The following RFX7 variants were observed in gnomAD, a reference collection of about 807,000 sequenced individuals.
RFX7 encodes the protein regulatory factor X7, also known as DNA-binding protein RFX7.
In RFX7, 26 loss-of-function variants were observed where a neutral mutation model predicts 111.8. The ratio of observed to expected loss-of-function variants is 0.23; its 90% CI spans 0.17 to 0.32. The LOEUF (loss-of-function observed/expected upper bound fraction) is 0.32. RFX7 is among the 10% of genes least tolerant of loss of function. RFX7 has a pLI of 1.00. For missense variants in RFX7, 1,573 were observed against 1,772.9 expected (o/e 0.89, Z 2.02); for synonymous variants, 624 against 624.4 (o/e 1.00, Z 0.01).
chr15:56,153,212 A>T (rs2042599897), intron 3 of RFX7, among the ~76,000 whole-genome samples: 1 of 152,242 alleles, frequency 6.6e-6, no homozygotes, highest in African/African-American at 2.4e-5. Flanking sequence ...TCATTTTATG[A>T]GGCCAGCATC....
Position 56,087,729 on chromosome 15 carries a change from A to T in RFX7, c.*5616T>A. 1 of 349,574 alleles carries T rather than the reference A, an allele frequency of 2.9e-6. No individual in the cohort carries two copies. The highest frequency in any genetic ancestry group is 5.6e-6 in the Non-Finnish European group (1 of 177,272). The allele number at this position is 349,574 out of a possible 1,614,324, so 21.7% of individuals were successfully genotyped here. On this transcript the variant is annotated 3_prime_UTR_variant, in exon 10 of 10. Transcript: ENST00000559447. ...ATAGTGACCTCATTGCATCCTGCAA[A>T]GACATTCACTGTGTCTTTTTCATTA...
chr15:56,153,072 C>G (rs760941773), intron 3 of RFX7, among the ~76,000 whole-genome samples: 20 of 152,116 alleles, frequency 1.3e-4, no homozygotes, highest in Non-Finnish European at 2.6e-4. Context: ...TAATTAATAG[C>G]CTACCAACCA....
At chr15:56,148,415 C>T (rs1268020230) in intron 3 of RFX7, among the ~76,000 whole-genome samples, 4 of 152,152 alleles carry the variant, frequency 2.6e-5, no homozygotes, top group Admixed American at 2.6e-4. Context: ...ACATTCTGGA[C>T]AGAAAAGCCT....
chr15:56,142,676 T>C (rs896139055), intron 5 of RFX7, 102 bp downstream of exon 5: 42 of 1,029,156 alleles, frequency 4.1e-5, no homozygotes, highest in Admixed American at 1.5e-4. Context: ...AATTCCCATA[T>C]ACCAGCTTGA....
chr15:56,205,037 C>T (rs374856435), intron 2 of RFX7, among the ~76,000 whole-genome samples: 4 of 152,160 alleles, frequency 2.6e-5, no homozygotes, highest in East Asian at 1.9e-4. Context: ...GTATTTTCCC[C>T]TAAGAAAGAA....
At chr15:56,174,324 A>G (rs1419136160) in intron 3 of RFX7, among the ~76,000 whole-genome samples, 1 of 152,236 alleles carries the variant, frequency 6.6e-6, no homozygotes, top group African/African-American at 2.4e-5. Context: ...AAAAAATATA[A>G]GATCTAGAAG....
intron 2 of RFX7, among the ~76,000 whole-genome samples, chr15:56,229,707 A>G (rs2043528561): frequency 6.6e-6 from 1 of 152,184 alleles, no homozygotes; most frequent in East Asian, 1.9e-4. Context: ...TAAATTTCTA[A>G]CAAGTTCCCA....
rs139946723 is a variant in RFX7 at position 56,134,137 on chromosome 15, C to T, written c.401+8641G>A. Among the ~76,000 whole-genome samples the T allele has an allele frequency of 1.7e-3, 252 of 152,282 alleles. 2 individuals are homozygous for T. Among genetic ancestry groups the T allele is most frequent in the Middle Eastern group, 0.01 (3 of 294 alleles). ...TTACCTTCTTAACCTATTATGAACT[C>T]ACTCATGAAATCTGAGTTCTAGTCT... On this transcript the variant is annotated intron_variant, in intron 5 of 9. Coordinates refer to ENST00000559447, the MANE Select transcript of RFX7 (RefSeq NM_022841.7).
At chr15:56,112,418 T>G (rs1488039781) in intron 5 of RFX7, among the ~76,000 whole-genome samples, 2 of 143,574 alleles carry the variant, frequency 1.4e-5, no homozygotes, top group African/African-American at 5.1e-5. Context: ...ACAAACCTAT[T>G]TAAGAAATCG....
intron 2 of RFX7, among the ~76,000 whole-genome samples, chr15:56,196,841 C>T (rs968808553): frequency 6.6e-6 from 1 of 152,138 alleles, no homozygotes; most frequent in African/African-American, 2.4e-5. Flanking sequence ...TGTACTGTAA[C>T]ATACAACATT....
intron 3 of RFX7, among the ~76,000 whole-genome samples, chr15:56,173,002 A>G (rs1460207615): frequency 2.0e-5 from 3 of 152,204 alleles, no homozygotes; most frequent in Non-Finnish European, 4.4e-5. Context: ...CCTGAAAAAG[A>G]AAAAAACAAA....
intron 5 of RFX7, among the ~76,000 whole-genome samples, chr15:56,137,029 T>C (rs551832206): frequency 1.1e-3 from 171 of 152,244 alleles, no homozygotes; most frequent in African/African-American, 4.1e-3. Flanking sequence ...CAGTATTTTA[T>C]TGAGAATTTT....
intron 5 of RFX7, among the ~76,000 whole-genome samples, chr15:56,140,329 T>C (rs1261899763): frequency 1.3e-5 from 2 of 152,218 alleles, no homozygotes; most frequent in African/African-American, 4.8e-5. Flanking sequence ...TGCGCCGCTT[T>C]TTAAGCCCGT....
intron 2 of RFX7, among the ~76,000 whole-genome samples, chr15:56,226,702 A>C (rs2043488411): frequency 6.6e-6 from 1 of 152,230 alleles, no homozygotes; most frequent in Non-Finnish European, 1.5e-5. Flanking sequence ...CATTGTGATA[A>C]GACCTGCTAT....
intron 5 of RFX7, among the ~76,000 whole-genome samples, chr15:56,129,056 T>C (rs2042179865): frequency 6.6e-6 from 1 of 152,138 alleles, no homozygotes; most frequent in South Asian, 2.1e-4. Context: ...TGTTCATGGA[T>C]CAGAAGAATA....
At chr15:56,188,619 T>C (rs569679701) in intron 2 of RFX7, among the ~76,000 whole-genome samples, 14 of 152,188 alleles carry the variant, frequency 9.2e-5, no homozygotes, top group South Asian at 2.1e-4. Flanking sequence ...AGTAAACTGA[T>C]TTGCAGCAGA....
intron 2 of RFX7, among the ~76,000 whole-genome samples, chr15:56,228,082 T>C (rs1474139120): frequency 6.6e-6 from 1 of 152,128 alleles, no homozygotes; most frequent in Non-Finnish European, 1.5e-5. Context: ...ATATAATTCT[T>C]ATCTTTATTC....
chr15:56,179,718 G>C (rs2141132250), intron 2 of RFX7, among the ~76,000 whole-genome samples: 1 of 148,838 alleles, frequency 6.7e-6, no homozygotes, highest in East Asian at 2.0e-4. Flanking sequence ...TAGCTTGTAA[G>C]ATTTGATACA....
chr15:56,099,626 T>C (rs1201331049), intron 8 of RFX7, among the ~76,000 whole-genome samples: 3 of 152,052 alleles, frequency 2.0e-5, no homozygotes, highest in Admixed American at 6.5e-5. Context: ...ATGGAGACTA[T>C]ATTTATAAAA....
Sources: allele counts gnomAD v4.1 joint callset (sites outside exome capture counted in the v4.1 genomes callset), GRCh38; gene constraint gnomAD v4.1.1; transcripts MANE v1.5; gene names NCBI Gene and HGNC (gene_info 2026-07-23, HGNC 2026-07-21).